STT3A: variants seen among roughly 807,000 people sequenced by gnomAD.
The protein encoded by STT3A is dolichyl-diphosphooligosaccharide--protein glycosyltransferase subunit STT3A.
Under a neutral mutation model 89.2 loss-of-function variants are expected in STT3A, and 34 were observed. The ratio of observed to expected loss-of-function variants is 0.38; its 90% confidence interval spans 0.29 to 0.51. The LOEUF (loss-of-function observed/expected upper bound fraction) is 0.51. STT3A is among the 20% of genes least tolerant of loss of function. The pLI, the probability that STT3A is intolerant of heterozygous loss-of-function variation, is 0.89. For missense variants in STT3A, 555 were observed against 889.5 expected (o/e 0.62, Z 4.78); for synonymous variants, 282 against 310.3 (o/e 0.91, Z 0.96).
intron 3 of STT3A, among the ~76,000 whole-genome samples, chr11:125,601,771 T>C (rs1939687910): frequency 6.6e-6 from 1 of 152,138 alleles, no homozygotes; most frequent in Non-Finnish European, 1.5e-5. Flanking sequence ...TTTGTTACAA[T>C]GTTAGGCTCC....
intron 3 of STT3A, among the ~76,000 whole-genome samples, chr11:125,600,024 G>A (rs1233457714): frequency 2.7e-5 from 4 of 150,342 alleles, no homozygotes; most frequent in Admixed American, 6.7e-5. Flanking sequence ...CTACTACGCC[G>A]GCCTCTTATT....
rs1418398244 is a variant in STT3A at position 125,606,383 on chromosome 11, C to T, written c.698C>T (p.Ser233Phe). The change falls in exon 8 of 18, where the codon TCT becomes TTT. Residue 233 changes from serine to phenylalanine, a missense_variant. Around this residue, in one of 5 missense-constraint regions of STT3A, gnomAD observed 149 missense variants for 206.2 expected, o/e 0.72. Coordinates refer to ENST00000392708, the MANE Select transcript of STT3A (RefSeq NM_152713.5). ...GTGCTGATGCTCACAGGCCGTTTCT[C>T]TCACCGGATCTATGTGGCCTACTGT... ...VLVLMLTGRF[S>F]HRIYVAYCTV... 4 of 1,614,200 alleles carry T rather than the reference C, an allele frequency of 2.5e-6. No individual in the cohort carries two copies. Among genetic ancestry groups the T allele is most frequent in the Middle Eastern group, 1.7e-4 (1 of 6,056 alleles).
At chr11:125,608,514 CGGGGTTTCT>C in intron 9 of STT3A, 1 of 369,022 alleles carries the variant, frequency 2.7e-6, no homozygotes, top group South Asian at 3.7e-5. Flanking sequence ...TTAGTAGAGA[CGGGGTTTCT>C]CCATGTTTGT....
chr11:125,611,863 ATTTTTTTTTTTTTT>A (rs59685125), intron 11 of STT3A, among the ~76,000 whole-genome samples: 1,138 of 57,038 alleles, frequency 0.02, 35 homozygotes, highest in African/African-American at 0.067. Context: ...AGGGATTTGA[ATTTTTTTTTTTTTT>A]TTTTTTTTTT....
At position 125,608,285 on chromosome 11, in the gene STT3A, G is replaced by C. The variant is rs769477252; in HGVS notation, c.957G>C (p.Leu319=). ...VLLTVGALLM[L]TGKISPWTGR... is the part of the protein sequence containing the mutation. The stretch of plus-strand genomic sequence containing the variant: ...TCACCGTGGGAGCTCTCCTCATGCT[G>C]ACAGGTAGGGAAGGCTCACAGCTTT... Residue 319 remains leucine, a synonymous_variant, in exon 9 of 18, where the codon CTG becomes CTC. Transcript: ENST00000392708. 3.8e-6 allele frequency: 6 copies of C among 1,595,560 alleles called. No individual in the cohort carries two copies. The highest frequency in any genetic ancestry group is 2.7e-5 in the African/African-American group (2 of 73,572).
rs1322287028 is a variant in STT3A, at chr11:125,618,501, C to T, written c.1903C>T (p.Leu635Phe). 3 of 1,614,036 alleles carry T rather than the reference C, an allele frequency of 1.9e-6. No individual in the cohort carries two copies. The highest frequency in any genetic ancestry group is 2.5e-6 in the Non-Finnish European group (3 of 1,180,010). The stretch of plus-strand genomic sequence containing the variant: ...GGACCGTGAAGGTTCTCCAGTGCTG[C>T]TCAACTGCCTCATGTACAAGATGTG... ...RVDREGSPVLLNCLMYKMCYY... is the reference protein window; with the variant it reads ...RVDREGSPVLFNCLMYKMCYY... The change falls in exon 16 of 18, where the codon CTC becomes TTC. Residue 635 changes from leucine (L) to phenylalanine (F), a missense_variant. By Grantham distance (22) the Leu-to-Phe change is conservative. This residue lies in a region of STT3A where 273 missense variants were observed against 449.8 expected (regional missense o/e 0.61). Transcript: ENST00000392708.
intron 8 of STT3A, among the ~76,000 whole-genome samples, chr11:125,607,172 G>A (rs726060): frequency 0.39 from 59,921 of 151,986 alleles, 12,236 homozygotes; most frequent in African/African-American, 0.5. Flanking sequence ...ACACTTTATT[G>A]TAAAATAGGC....
intron 1 of STT3A, among the ~76,000 whole-genome samples, 188 bp from the exon 2 acceptor site, chr11:125,595,693 G>A (rs910875280): frequency 6.6e-6 from 1 of 152,164 alleles, no homozygotes; most frequent in African/African-American, 2.4e-5. Context: ...ACATAGACCT[G>A]ACTTGTGCCT....
Position 125,608,094 on chromosome 11 carries a change from TC to T in STT3A, c.781-13del. ...TTTTTCCTTAGTATTAACATACATATCCTTTTACCTACAGCCTGTCCTTTCA... is the reference window on the plus strand; with the variant it reads ...TTTTTCCTTAGTATTAACATACATATCTTTTACCTACAGCCTGTCCTTTCA... On this transcript the variant is annotated splice_polypyrimidine_tract_variant and intron_variant, in intron 8 of 17. Transcript: ENST00000392708. The T allele has an allele frequency of 6.3e-7, 1 of 1,588,638 alleles. No homozygotes were observed. Among genetic ancestry groups the T allele is most frequent in the South Asian group, 1.1e-5 (1 of 87,214 alleles).
Position 125,613,277 on chromosome 11 carries a change from G to T in STT3A, c.1554+100G>T. On this transcript the variant is annotated intron_variant, in intron 13 of 17. Coordinates refer to ENST00000392708, the MANE Select transcript of STT3A (RefSeq NM_152713.5). The surrounding 1 kb of genome is among the most constrained non-coding windows in gnomAD (Gnocchi z 4.2). The stretch of plus-strand genomic sequence containing the variant: ...CAGCTTTTAGATGGGTGGAAAGCTG[G>T]GTGAAACTGGAACTTTGCAACTCTA... 7.6e-7 allele frequency: 1 copy of T among 1,317,508 alleles called. No individual in the cohort carries two copies. Among genetic ancestry groups the T allele is most frequent in the Non-Finnish European group, 1.0e-6 (1 of 955,602 alleles). 81.6% of individuals were successfully genotyped at this position (1,317,508 alleles called of 1,614,324 possible). A position where few individuals can be genotyped will look rare whatever the true frequency, so the allele number is the denominator to read the frequency against.
At position 125,602,287 on chromosome 11, in the gene STT3A, T is replaced by C. The variant is rs1262434458; in HGVS notation, c.150-16T>C. The C allele has an allele frequency of 6.2e-7, 1 of 1,606,850 alleles. No homozygotes were observed. On this transcript the variant is annotated splice_polypyrimidine_tract_variant and intron_variant, in intron 3 of 17. Coordinates refer to ENST00000392708, the MANE Select transcript of STT3A (RefSeq NM_152713.5). ...ATTCACCACAAATTTACAACAAAGT[T>C]TATTTCTTGCTATAGGTACTTTAAT...
Position 125,597,952 on chromosome 11 carries a change from G to A in STT3A, c.149+833G>A, listed in dbSNP as rs562304529. On this transcript the variant is annotated intron_variant, in intron 3 of 17. Transcript: ENST00000392708. Reference sequence around the variant, plus strand: ...GACTCCACTGGGCACGGTGGCTCACGCCTGTAATCCCAGCACTGGGGGAGG... The same window carrying A: ...GACTCCACTGGGCACGGTGGCTCACACCTGTAATCCCAGCACTGGGGGAGG... Among the ~76,000 whole-genome samples, 184 of 152,206 alleles carry A rather than the reference G, an allele frequency of 1.2e-3. 5 individuals are homozygous for A. The highest frequency in any genetic ancestry group is 2.8e-4 in the Non-Finnish European group (19 of 67,994).
At chr11:125,620,242 T>C in intron 17 of STT3A, 116 bp downstream of exon 17, 2 of 768,560 alleles carry the variant, frequency 2.6e-6, no homozygotes, top group Non-Finnish European at 2.1e-6. Context: ...ACACCTGTGC[T>C]TGAAAAGTAG....
At chr11:125,619,283 C>T (rs1440800609) in intron 16 of STT3A, among the ~76,000 whole-genome samples, 1 of 151,542 alleles carries the variant, frequency 6.6e-6, no homozygotes, top group Non-Finnish European at 1.5e-5. Context: ...TGGTCTCGAA[C>T]TCCTGACCTC....
At position 125,602,433 on chromosome 11, in the gene STT3A, A is replaced by C; in HGVS notation, c.271+9A>C. 6.4e-7 allele frequency: 1 copy of C among 1,564,674 alleles called. No individual in the cohort carries two copies. The highest frequency in any genetic ancestry group is 8.6e-7 in the Non-Finnish European group (1 of 1,163,996). On this transcript the variant is annotated intron_variant, in intron 4 of 17. Coordinates refer to ENST00000392708, the MANE Select transcript of STT3A (RefSeq NM_152713.5). Reference sequence around the variant, plus strand: ...AGGAACAATTTACCCAGGTGAGGAGACCAGATGTGTTTTTTTTTTTAAAAA... The same window carrying C: ...AGGAACAATTTACCCAGGTGAGGAGCCCAGATGTGTTTTTTTTTTTAAAAA...
intron 3 of STT3A, among the ~76,000 whole-genome samples, chr11:125,598,127 G>A (rs539713370): frequency 4.6e-5 from 7 of 152,158 alleles, no homozygotes; most frequent in Admixed American, 4.6e-4. Flanking sequence ...CAGGAGAATC[G>A]CTTGAACGCA....
At chr11:125,606,001 A>G (rs1939823942) in intron 7 of STT3A, among the ~76,000 whole-genome samples, 2 of 152,176 alleles carry the variant, frequency 1.3e-5, no homozygotes, top group Non-Finnish European at 2.9e-5. Flanking sequence ...TCGTTATGTG[A>G]TCATGACATC....
intron 16 of STT3A, 44 bp from the exon 17 acceptor site, chr11:125,619,967 T>C: frequency 6.6e-7 from 1 of 1,512,394 alleles, no homozygotes; most frequent in Non-Finnish European, 9.2e-7. Context: ...CTCTAGGAAA[T>C]TAGCACTGTA....
chr11:125,618,509 C>T lies in STT3A; in HGVS notation c.1911C>T (p.Cys637=), dbSNP rs17140116. ...DREGSPVLLN[C]LMYKMCYYRF... The stretch of plus-strand genomic sequence containing the variant: ...AAGGTTCTCCAGTGCTGCTCAACTG[C>T]CTCATGTACAAGATGTGTTACTATC... The change falls in exon 16 of 18, where the codon TGC becomes TGT. Residue 637 remains cysteine (C), a synonymous_variant. Transcript: ENST00000392708. The T allele has an allele frequency of 0.073, 117,205 of 1,613,842 alleles. 5,717 individuals carry two copies. The highest frequency in any genetic ancestry group is 0.25 in the African/African-American group (18,600 of 74,860).
Sources: gnomAD v4.1 joint callset for allele counts (sites outside exome capture counted in the v4.1 genomes callset) on GRCh38, gnomAD v4.1.1 for gene constraint, gnomAD v4.1.1 regional missense constraint, Gnocchi (gnomAD v3.1) non-coding constraint, MANE v1.5 for transcripts, NCBI Gene and HGNC (gene_info 2026-07-23, HGNC 2026-07-21) for gene names.